EPHA3: variants seen among roughly 807,000 people sequenced by gnomAD.
The protein encoded by EPHA3 is EPH receptor A3.
EPHA3 carries 42 observed loss-of-function variants against 107.1 expected under a neutral mutation model. The ratio of observed to expected loss-of-function variants is 0.39; its 90% CI spans 0.31 to 0.51. EPHA3 has a LOEUF of 0.51. Among genes scored for constraint, EPHA3 ranks in the 20% least tolerant of loss-of-function variants. EPHA3 has a pLI of 0.78. For synonymous variants in EPHA3, 461 were observed against 424.8 expected, an observed-to-expected ratio of 1.09 and a Z score of -1.05; for missense variants, 1,183 against 1,211.2, an observed-to-expected ratio of 0.98 and a Z score of 0.35.
At chr3:89,372,335 C>A (rs1298848370) in intron 5 of EPHA3, among the ~76,000 whole-genome samples, 1 of 151,588 alleles carries the variant, frequency 6.6e-6, no homozygotes, top group Admixed American at 6.6e-5. Flanking sequence ...GTGATGGAGA[C>A]TATTGGTTAC....
intron 3 of EPHA3, among the ~76,000 whole-genome samples, chr3:89,322,369 C>G (rs1227207643): frequency 1.3e-5 from 2 of 152,054 alleles, no homozygotes; most frequent in African/African-American, 4.8e-5. Flanking sequence ...GCTAGAAAAA[C>G]TATGAGACAG....
intron 2 of EPHA3, among the ~76,000 whole-genome samples, chr3:89,200,636 T>G (rs1261182817): frequency 1.3e-5 from 2 of 152,216 alleles, no homozygotes; most frequent in African/African-American, 4.8e-5. Context: ...GTTCCTGGCC[T>G]TACATTTCTA....
At chr3:89,170,644 A>T (rs1243812322) in intron 2 of EPHA3, among the ~76,000 whole-genome samples, 1 of 152,190 alleles carries the variant, frequency 6.6e-6, no homozygotes, top group Non-Finnish European at 1.5e-5. Context: ...AAGTGTAGAC[A>T]GTGGGATCCC....
intron 2 of EPHA3, among the ~76,000 whole-genome samples, chr3:89,158,130 T>G (rs1704846785): frequency 6.6e-6 from 1 of 152,178 alleles, no homozygotes; most frequent in Admixed American, 6.6e-5. Context: ...CATTCTATTA[T>G]AATTTTGTAG....
At chr3:89,469,144 AT>A (rs1559707385) in intron 15 of EPHA3, among the ~76,000 whole-genome samples, 1 of 152,200 alleles carries the variant, frequency 6.6e-6, no homozygotes, top group African/African-American at 2.4e-5. Flanking sequence ...AAACTCCATA[AT>A]TAAGATTTTC....
At chr3:89,475,255 G>A (rs1456384548) in intron 16 of EPHA3, among the ~76,000 whole-genome samples, 1 of 152,066 alleles carries the variant, frequency 6.6e-6, no homozygotes, top group Non-Finnish European at 1.5e-5. Context: ...TTTCTTTCGG[G>A]TTCCTGGCTT....
intron 2 of EPHA3, among the ~76,000 whole-genome samples, chr3:89,130,703 C>G (rs1704188388): frequency 1.3e-5 from 2 of 150,830 alleles, no homozygotes; most frequent in Admixed American, 1.3e-4. Flanking sequence ...GGCGCGATCT[C>G]GGCTCACTGC....
intron 5 of EPHA3, among the ~76,000 whole-genome samples, chr3:89,383,678 T>C (rs1390972652): frequency 1.5e-5 from 2 of 130,512 alleles, no homozygotes; most frequent in African/African-American, 2.9e-5. Flanking sequence ...AGACGGAGTC[T>C]CACTCTGTAG....
intron 3 of EPHA3, among the ~76,000 whole-genome samples, chr3:89,306,332 C>G (rs986445539): frequency 5.3e-5 from 8 of 152,096 alleles, no homozygotes; most frequent in Admixed American, 5.2e-4. Context: ...TTTATTTCAT[C>G]TTAGAGCAGG....
chr3:89,336,273 G>T (rs1210677390), intron 3 of EPHA3, among the ~76,000 whole-genome samples: 1 of 152,068 alleles, frequency 6.6e-6, no homozygotes, highest in Non-Finnish European at 1.5e-5. Context: ...AGGAAGGAAA[G>T]GAGATGTTTT....
rs373433238 is a variant in EPHA3 at position 89,210,117 on chromosome 3, G to T, written c.411G>T (p.Glu137Asp). Reference sequence around the variant, plus strand: ...ATGATCATGGGGTGAAATTTCGAGAGCATCAGTTTACAAAGATTGACACCA... The same window carrying T: ...ATGATCATGGGGTGAAATTTCGAGATCATCAGTTTACAAAGATTGACACCA... ...SDDDHGVKFREHQFTKIDTIA... is the reference protein window; with the variant it reads ...SDDDHGVKFRDHQFTKIDTIA... Residue 137 changes from glutamate to aspartate, a missense_variant, in exon 3 of 17, where the codon GAG (glutamate) becomes GAT (aspartate). Glu to Asp is a conservative substitution (Grantham distance 45). Coordinates refer to ENST00000336596, the MANE Select transcript of EPHA3 (RefSeq NM_005233.6). 40 of 1,613,892 alleles carry T rather than the reference G, an allele frequency of 2.5e-5. No homozygotes were observed. Among genetic ancestry groups the T allele is most frequent in the Non-Finnish European group, 3.2e-5 (38 of 1,179,936 alleles).
intron 2 of EPHA3, among the ~76,000 whole-genome samples, chr3:89,164,994 A>G (rs1190879475): frequency 6.6e-6 from 1 of 152,194 alleles, no homozygotes; most frequent in African/African-American, 2.4e-5. Flanking sequence ...ATATCCTTAT[A>G]CTTCAGAAAC....
chr3:89,353,838 T>C lies in EPHA3; in HGVS notation c.1306+11748T>C, dbSNP rs1486044400. 5.9e-5 allele frequency among the ~76,000 whole-genome samples: 9 copies of C among 151,358 alleles called. No individual in the cohort carries two copies. In the Admixed American group the frequency reaches 6.0e-4, roughly 10 times the overall value. Reference sequence around the variant, plus strand: ...TGGAACATGAGCTAAGGAAGACAGTTGGAGAGCTTCATGAATCTAAACTGA... The same window carrying C: ...TGGAACATGAGCTAAGGAAGACAGTCGGAGAGCTTCATGAATCTAAACTGA... On this transcript the variant is annotated intron_variant, in intron 5 of 16. Transcript: ENST00000336596.
chr3:89,303,590 G>A (rs997329394), intron 3 of EPHA3, among the ~76,000 whole-genome samples: 4 of 151,874 alleles, frequency 2.6e-5, no homozygotes, highest in African/African-American at 4.8e-5. Context: ...CAAAAAGATC[G>A]ATTTCTTATA....
intron 3 of EPHA3, among the ~76,000 whole-genome samples, chr3:89,333,486 G>A (rs1358869832): frequency 6.6e-6 from 1 of 152,074 alleles, no homozygotes; most frequent in Non-Finnish European, 1.5e-5. Flanking sequence ...AATAAGTTTT[G>A]GTGTTTGCTC....
intron 13 of EPHA3, among the ~76,000 whole-genome samples, chr3:89,439,784 T>A (rs938681755): frequency 3.3e-5 from 5 of 151,580 alleles, no homozygotes; most frequent in African/African-American, 1.2e-4. Context: ...TATATAGACT[T>A]ACTCCCCGAT....
At chr3:89,127,424 T>A in intron 2 of EPHA3, 151 bp downstream of exon 2, 1 of 546,890 alleles carries the variant, frequency 1.8e-6, no homozygotes, top group East Asian at 3.0e-5. Context: ...TACCACAGCT[T>A]GACATTTGTG....
At chr3:89,235,773 A>C (rs1396366881) in intron 3 of EPHA3, among the ~76,000 whole-genome samples, 1 of 151,928 alleles carries the variant, frequency 6.6e-6, no homozygotes, top group African/African-American at 2.4e-5. Flanking sequence ...TTTATATTAA[A>C]ATAAAAAATC....
intron 3 of EPHA3, among the ~76,000 whole-genome samples, chr3:89,226,769 T>C (rs1370806004): frequency 2.0e-5 from 3 of 151,346 alleles, no homozygotes; most frequent in Admixed American, 6.6e-5. Flanking sequence ...TGTGACAGTA[T>C]TTTTTTTATC....
Sources: allele counts gnomAD v4.1 joint callset (sites outside exome capture counted in the v4.1 genomes callset), GRCh38; gene constraint gnomAD v4.1.1; transcripts MANE v1.5; gene names NCBI Gene and HGNC (gene_info 2026-07-23, HGNC 2026-07-21).